TREML2: variants seen among roughly 807,000 people sequenced by gnomAD.
TREML2 encodes the protein triggering receptor expressed on myeloid cells like 2.
A neutral mutation model predicts 25.9 loss-of-function variants in TREML2; 24 were observed. The ratio of observed to expected loss-of-function variants is 0.93; its 90% CI spans 0.67 to 1.30. The LOEUF is 1.30. Ranked by LOEUF, TREML2 falls within the 50% of genes most tolerant of loss-of-function variation. The probability of loss-of-function intolerance (pLI) is 0.00; values close to 1 mark genes in which losing one functional copy is unlikely to be tolerated. For missense variants in TREML2, 359 were observed against 395.6 expected (o/e 0.91, Z 0.78); for synonymous variants, 139 against 155.2 (o/e 0.90, Z 0.77).
chr6:41,193,445 C>T (rs952443100), intron 3 of TREML2, among the ~76,000 whole-genome samples: 2 of 152,100 alleles, frequency 1.3e-5, no homozygotes, highest in Non-Finnish European at 2.9e-5. Flanking sequence ...TGTAACTATG[C>T]GGGCTCCTTT....
At position 41,194,742 on chromosome 6, in the gene TREML2, G is replaced by A. The variant is rs779232431; in HGVS notation, c.468C>T (p.Gly156=). The A allele has an allele frequency of 6.2e-7, 1 of 1,613,958 alleles. No individual in the cohort carries two copies. The highest frequency in any genetic ancestry group is 1.1e-5 in the South Asian group (1 of 91,038). ...CACCAGTGGTAAAAGGGGCATCAGG[G>A]CCTGAGGTAGGGGCTTGGCCAGTTG... ...TVTTGQAPTS[G]PDAPFTTGVM... The change falls in exon 3 of 5, where the codon GGC becomes GGT. Residue 156 remains glycine, a synonymous_variant. Coordinates refer to ENST00000483722, the MANE Select transcript of TREML2 (RefSeq NM_024807.4).
In TREML2 at chr6:41,198,152, C is replaced by G; in HGVS notation, c.333G>C (p.Gly111=). 6.2e-7 allele frequency: 1 copy of G among 1,612,582 alleles called. No homozygotes were observed. Among genetic ancestry groups the G allele is most frequent in the Non-Finnish European group, 8.5e-7 (1 of 1,178,840 alleles). Residue 111 remains glycine, a synonymous_variant, in exon 2 of 5, where the codon GGG becomes GGC. Coordinates refer to ENST00000483722, the MANE Select transcript of TREML2 (RefSeq NM_024807.4). ...GRYWCMRNTS[G]ILYPLMGFQL... ...GGAAGCCCATCAAGGGGTACAGGAT[C>G]CCAGAGGTGTTGCGCATGCACCAGT...
chr6:41,201,034 G>T lies in TREML2; in HGVS notation c.-26C>A, dbSNP rs1449791728. 5.0e-6 allele frequency: 8 copies of T among 1,611,798 alleles called. No individual in the cohort carries two copies. The Admixed American group carries it at 1.3e-4, about 27-fold the overall frequency. Reference sequence around the variant, plus strand: ...GGTTCCATCCAGCTGGGCAGTGTCAGGCCTGGAGATCCAAGGTGAGGGCCC... The same window carrying T: ...GGTTCCATCCAGCTGGGCAGTGTCATGCCTGGAGATCCAAGGTGAGGGCCC... On this transcript the variant is annotated 5_prime_UTR_variant, in exon 1 of 5. It adds an upstream start codon to the 5' untranslated region. Coordinates refer to ENST00000483722, the MANE Select transcript of TREML2 (RefSeq NM_024807.4).
Position 41,194,505 on chromosome 6 carries a change from G to A in TREML2, c.705C>T (p.Leu235=). 6.2e-7 allele frequency: 1 copy of A among 1,613,626 alleles called. No homozygotes were observed. The highest frequency in any genetic ancestry group is 8.5e-7 in the Non-Finnish European group (1 of 1,179,836). Reference sequence around the variant, plus strand: ...GCCCTGTGGTGGGCGATCTGGTGCTGAGGTCCCCAGACTTAGTGGAGATGG... The same window carrying A: ...GCCCTGTGGTGGGCGATCTGGTGCTAAGGTCCCCAGACTTAGTGGAGATGG... ...PESISTKSGD[L]STRSPTTGLC... The change falls in exon 3 of 5, where the codon CTC becomes CTT. Residue 235 remains leucine, a synonymous_variant. Transcript: ENST00000483722.
At position 41,192,382 on chromosome 6, in the gene TREML2, T is replaced by C. The variant is rs1405477751; in HGVS notation, c.*45A>G. Reference sequence around the variant, plus strand: ...AATCTTCACCCCTCCTCTAACCCCCTGGGGCCACTCTGGGAGAAGCTCCCC... The same window carrying C: ...AATCTTCACCCCTCCTCTAACCCCCCGGGGCCACTCTGGGAGAAGCTCCCC... On this transcript the variant is annotated 3_prime_UTR_variant, in exon 5 of 5. Coordinates refer to ENST00000483722, the MANE Select transcript of TREML2 (RefSeq NM_024807.4). 5.2e-6 allele frequency: 8 copies of C among 1,529,460 alleles called. No individual in the cohort carries two copies. The highest frequency in any genetic ancestry group is 1.1e-5 in the South Asian group (1 of 88,344). 94.7% of individuals were successfully genotyped at this position (1,529,460 alleles called of 1,614,324 possible). A position where few individuals can be genotyped will look rare whatever the true frequency, so the allele number is the denominator to read the frequency against.
At chr6:41,193,999 G>A (rs532958337) in intron 3 of TREML2, among the ~76,000 whole-genome samples, 25 of 126,124 alleles carry the variant, frequency 2.0e-4, no homozygotes, top group Non-Finnish European at 3.5e-4. Flanking sequence ...CCTTTATCCC[G>A]ACCCTCCTCT....
At chr6:41,192,992 G>A (rs1036387233) in intron 3 of TREML2, 91 bp from the exon 4 acceptor site, 5 of 1,067,146 alleles carry the variant, frequency 4.7e-6, no homozygotes, top group African/African-American at 1.6e-5. Flanking sequence ...GAAACCCTGA[G>A]AGCGTGCCCT....
rs1766032351 is a variant in TREML2 at position 41,190,464 on chromosome 6, G to A, written c.*1963C>T. 1 of 152,170 alleles carries A rather than the reference G, an allele frequency of 6.6e-6. No individual in the cohort carries two copies. The highest frequency in any genetic ancestry group is 1.9e-4 in the East Asian group (1 of 5,192). 9.4% of individuals were successfully genotyped at this position (152,170 alleles called of 1,614,324 possible). A position where few individuals can be genotyped will look rare whatever the true frequency, so the allele number is the denominator to read the frequency against. On this transcript the variant is annotated 3_prime_UTR_variant, in exon 5 of 5. Transcript: ENST00000483722. ...CATTAGAGCTGGAAAACAACTTAAG[G>A]AATAATGGTAATGAGGCATTTGCAT...
chr6:41,195,830 A>G (rs1438882803), intron 2 of TREML2, among the ~76,000 whole-genome samples: 1 of 152,236 alleles, frequency 6.6e-6, no homozygotes, highest in Non-Finnish European at 1.5e-5. Context: ...ACACTCAGTT[A>G]AGCCACATAA....
In TREML2 at chr6:41,194,734, G is replaced by A. The variant is rs1275528267; in HGVS notation, c.476C>T (p.Ala159Val). 6.2e-7 allele frequency: 1 copy of A among 1,613,904 alleles called. No individual in the cohort carries two copies. Among genetic ancestry groups the A allele is most frequent in the Non-Finnish European group, 8.5e-7 (1 of 1,179,970 alleles). ...CACCATCACACCAGTGGTAAAAGGG[G>A]CATCAGGGCCTGAGGTAGGGGCTTG... ...TGQAPTSGPD[A>V]PFTTGVMVFT... Residue 159 changes from alanine to valine, a missense_variant, in exon 3 of 5, where the codon GCC (alanine) becomes GTC (valine). Physicochemically the swap from Ala to Val is moderately conservative, Grantham distance 64. Transcript: ENST00000483722.
rs1211092329 is a variant in TREML2, at chr6:41,191,296, G to A, written c.*1131C>T. On this transcript the variant is annotated 3_prime_UTR_variant, in exon 5 of 5. Coordinates refer to ENST00000483722, the MANE Select transcript of TREML2 (RefSeq NM_024807.4). ...CAGTGCTCTGGACAATAGAGGCTGA[G>A]TCTGAGCCCTGAGTCAGTGGGTGGG... is the stretch of plus-strand genomic sequence containing the variant. The A allele has an allele frequency of 6.6e-6, 1 of 152,150 alleles. No homozygotes were observed. Among genetic ancestry groups the A allele is most frequent in the Non-Finnish European group, 1.5e-5 (1 of 68,174 alleles). 9.4% of individuals were successfully genotyped at this position (152,150 alleles called of 1,614,324 possible).
chr6:41,194,458 A>G lies in TREML2; in HGVS notation c.752T>C (p.Leu251Pro). The G allele has an allele frequency of 6.3e-7, 1 of 1,597,636 alleles. No homozygotes were observed. Among genetic ancestry groups the G allele is most frequent in the South Asian group, 1.1e-5 (1 of 88,508 alleles). ...TTGLCLTSRS[L>P]LNRLPSMPSI... ...GGGCATGGAGGGTAGTCTGTTGAGG[A>G]GAGATCTGCTGGTGAGGCAGAGCCC... The change falls in exon 3 of 5, where the codon CTC (leucine) becomes CCC (proline). Residue 251 changes from leucine to proline, a missense_variant. Leu to Pro is a moderately conservative substitution (Grantham distance 98). Transcript: ENST00000483722.
At chr6:41,196,577 T>A (rs951146283) in intron 2 of TREML2, among the ~76,000 whole-genome samples, 3 of 152,222 alleles carry the variant, frequency 2.0e-5, no homozygotes, top group African/African-American at 7.2e-5. Flanking sequence ...CCATTTATAG[T>A]ATAAAGCTCA....
At chr6:41,195,791 T>A (rs1278176383) in intron 2 of TREML2, among the ~76,000 whole-genome samples, 1 of 152,192 alleles carries the variant, frequency 6.6e-6, no homozygotes, top group Non-Finnish European at 1.5e-5. Flanking sequence ...AGACAAGCAA[T>A]GACATCCAAC....
At position 41,201,098 on chromosome 6, in the gene TREML2, G is replaced by T. The variant is rs1223054044; in HGVS notation, c.-90C>A. Reference sequence around the variant, plus strand: ...TGTGCCACCTGGGCCTGCCAGGGAAGGACCCGGGGTTCTAAAAGTGAAGCT... The same window carrying T: ...TGTGCCACCTGGGCCTGCCAGGGAATGACCCGGGGTTCTAAAAGTGAAGCT... On this transcript the variant is annotated 5_prime_UTR_variant, in exon 1 of 5. Coordinates refer to ENST00000483722, the MANE Select transcript of TREML2 (RefSeq NM_024807.4). 1 of 1,494,942 alleles carries T rather than the reference G, an allele frequency of 6.7e-7. No homozygotes were observed. The highest frequency in any genetic ancestry group is 1.7e-5 in the Admixed American group (1 of 59,578). 92.6% of individuals were successfully genotyped at this position (1,494,942 alleles called of 1,614,324 possible).
chr6:41,192,845 A>G lies in TREML2; in HGVS notation c.842T>C (p.Met281Thr), dbSNP rs564479147. 14 of 1,610,846 alleles carry G rather than the reference A, an allele frequency of 8.7e-6. No individual in the cohort carries two copies. Among genetic ancestry groups the G allele is most frequent in the Admixed American group, 1.7e-5 (1 of 59,638 alleles). Reference protein sequence around the residue: ...LGVVLTLLVLMLIMVYGFWKK... With the variant: ...LGVVLTLLVLTLIMVYGFWKK... Reference sequence around the variant, plus strand: ...CCAAAACCCATAGACCATGATCAGCATCAGCACCAGGAGGGTCAGCACCAC... The same window carrying G: ...CCAAAACCCATAGACCATGATCAGCGTCAGCACCAGGAGGGTCAGCACCAC... Residue 281 changes from methionine to threonine, a missense_variant, in exon 4 of 5, where the codon ATG becomes ACG. Transcript: ENST00000483722.
At position 41,190,770 on chromosome 6, in the gene TREML2, C is replaced by T. The variant is rs892563559; in HGVS notation, c.*1657G>A. On this transcript the variant is annotated 3_prime_UTR_variant, in exon 5 of 5. Coordinates refer to ENST00000483722, the MANE Select transcript of TREML2 (RefSeq NM_024807.4). ...GGTTAAGTTCTCTCCTAGTATACAA[C>T]AGGATGGTGGCTACACCGTCATGAT... 5 of 152,224 alleles carry T rather than the reference C, an allele frequency of 3.3e-5. No individual in the cohort carries two copies. Among genetic ancestry groups the T allele is most frequent in the African/African-American group, 9.7e-5 (4 of 41,420 alleles). The allele number at this position is 152,224 out of a possible 1,614,324, so 9.4% of individuals were successfully genotyped here.
At chr6:41,198,480 G>A in intron 1 of TREML2, 51 bp from the exon 2 acceptor site, 1 of 1,531,398 alleles carries the variant, frequency 6.5e-7, no homozygotes, top group South Asian at 1.2e-5. Context: ...AGAGGAAGAA[G>A]ACATCATGAA....
At position 41,192,306 on chromosome 6, in the gene TREML2, G is replaced by A; in HGVS notation, c.*121C>T. On this transcript the variant is annotated 3_prime_UTR_variant, in exon 5 of 5. Transcript: ENST00000483722. The stretch of plus-strand genomic sequence containing the variant: ...CCTCTGGGTTTGGGAAGTCCTGGGT[G>A]AGTCCAGCACTGCACAAGTCCTCCA... The A allele has an allele frequency of 1.3e-6, 1 of 782,950 alleles. No homozygotes were observed. Among genetic ancestry groups the A allele is most frequent in the South Asian group, 1.5e-5 (1 of 64,908 alleles). The allele number at this position is 782,950 out of a possible 1,614,324, so 48.5% of individuals were successfully genotyped here. A position where few individuals can be genotyped will look rare whatever the true frequency, so the allele number is the denominator to read the frequency against.
Sources: gnomAD v4.1 joint callset for allele counts (sites outside exome capture counted in the v4.1 genomes callset) on GRCh38, gnomAD v4.1.1 for gene constraint, MANE v1.5 for transcripts, NCBI Gene and HGNC (gene_info 2026-07-23, HGNC 2026-07-21) for gene names.